Variants in TACC2 observed in about 807,000 individuals in gnomAD.
The protein encoded by TACC2 is transforming acidic coiled-coil-containing protein 2.
TACC2 carries 137 observed loss-of-function variants against 227.3 expected under a neutral mutation model. The observed-to-expected ratio is 0.60, with a 90% CI of 0.52 to 0.69. The LOEUF is 0.69. Ranked by LOEUF, TACC2 falls within the 30% of genes least tolerant of loss-of-function variation. TACC2 has a pLI of 0.00. For missense variants in TACC2, 3,470 were observed against 3,694.4 expected (o/e 0.94, Z 1.57); for synonymous variants, 1,523 against 1,487.5 (o/e 1.02, Z -0.55).
chr10:121,995,057 G>T (rs1953264090), intron 1 of TACC2, among the ~76,000 whole-genome samples: 1 of 152,178 alleles, frequency 6.6e-6, no homozygotes, highest in African/African-American at 2.4e-5. Context: ...TTGTGATTCT[G>T]CAGAATGATG....
At chr10:122,132,545 G>A (rs12416172) in intron 5 of TACC2, 64 bp from the exon 6 acceptor site, 87,553 of 1,601,482 alleles carry the variant, frequency 0.055, 3,943 homozygotes, top group African/African-American at 0.21. Context: ...GCGAAACTCC[G>A]TCTCAAAACA....
intron 6 of TACC2, among the ~76,000 whole-genome samples, chr10:122,137,304 T>A (rs1163493754): frequency 6.7e-6 from 1 of 149,216 alleles, no homozygotes; most frequent in Non-Finnish European, 1.5e-5. Context: ...AAAAGCAGAA[T>A]GAGCCTGGGT....
intron 16 of TACC2, among the ~76,000 whole-genome samples, chr10:122,235,442 C>G (rs533795848): frequency 7.2e-4 from 110 of 152,114 alleles, no homozygotes; most frequent in Middle Eastern, 3.4e-3. Context: ...CAATGTTACC[C>G]AGGCTGTTCT....
At chr10:122,237,764 A>C (rs530536068) in intron 17 of TACC2, among the ~76,000 whole-genome samples, 197 bp from the exon 18 acceptor site, 3 of 152,278 alleles carry the variant, frequency 2.0e-5, no homozygotes, top group African/African-American at 7.2e-5. Flanking sequence ...GTTGCTCCCC[A>C]GTGGGCACTG....
In TACC2 at chr10:122,063,653, C is replaced by T. The variant is rs2077076950; in HGVS notation, c.146+13103C>T. The stretch of plus-strand genomic sequence containing the variant: ...TGGAGAGGAAAAAATCACCAATGCT[C>T]CTACCATATGCAGACAATGGCTTTC... On this transcript the variant is annotated intron_variant, in intron 3 of 22. Coordinates refer to ENST00000369005, the MANE Select transcript of TACC2 (RefSeq NM_206862.4). Among the ~76,000 whole-genome samples the T allele has an allele frequency of 2.6e-5, 4 of 152,176 alleles. No individual in the cohort carries two copies. In the South Asian group the frequency reaches 8.3e-4, roughly 32 times the overall value.
chr10:122,203,046 C>A (rs2094930871), intron 8 of TACC2, among the ~76,000 whole-genome samples: 1 of 152,048 alleles, frequency 6.6e-6, no homozygotes, highest in Non-Finnish European at 1.5e-5. Context: ...TGAAAAGTCT[C>A]CCATGTCTAC....
chr10:122,235,429 T>C (rs1049333141), intron 16 of TACC2, among the ~76,000 whole-genome samples: 3 of 152,056 alleles, frequency 2.0e-5, no homozygotes, highest in African/African-American at 7.2e-5. Context: ...AGATGAGATC[T>C]CACAATGTTA....
intron 2 of TACC2, among the ~76,000 whole-genome samples, chr10:122,030,012 C>T (rs191941425): frequency 6.6e-6 from 1 of 152,098 alleles, no homozygotes; most frequent in East Asian, 1.9e-4. Flanking sequence ...AGATGGGGTG[C>T]CACTGGCATC....
At chr10:122,217,437 C>CTTTTTTTTTTTTTTTTTT (rs35233150) in intron 11 of TACC2, among the ~76,000 whole-genome samples, 15 of 93,250 alleles carry the variant, frequency 1.6e-4, no homozygotes, top group African/African-American at 2.6e-4. Flanking sequence ...TTTCTTTTTT[C>CTTTTTTTTTTTTTTTTTT]TTTTTTTTTT....
chr10:122,087,266 T>C lies in TACC2; in HGVS notation c.4766T>C (p.Val1589Ala). The change falls in exon 4 of 23, where the codon GTG becomes GCG. Residue 1589 changes from valine to alanine, a missense_variant. Physicochemically the swap from Val to Ala is moderately conservative, Grantham distance 64. Around this residue, in one of 10 missense-constraint regions of TACC2, gnomAD observed 1,924 missense variants for 1,978.3 expected, o/e 0.97. Coordinates refer to ENST00000369005, the MANE Select transcript of TACC2 (RefSeq NM_206862.4). ...CCCCATAGCCATGGAGAAGAGGCCG[T>C]GGCCCAAGACAGAATTCCTTCTGGA... ...VAPHSHGEEAVAQDRIPSGKQ... is the reference protein window; with the variant it reads ...VAPHSHGEEAAAQDRIPSGKQ... 1 of 1,613,790 alleles carries C rather than the reference T, an allele frequency of 6.2e-7. No homozygotes were observed.
At chr10:122,109,546 A>G (rs188252311) in intron 5 of TACC2, among the ~76,000 whole-genome samples, 6 of 152,286 alleles carry the variant, frequency 3.9e-5, no homozygotes, top group Admixed American at 3.3e-4. Flanking sequence ...ATGTCCCTTC[A>G]GCAATGCTAG....
intron 7 of TACC2, among the ~76,000 whole-genome samples, chr10:122,160,009 G>A (rs758627858): frequency 1.2e-4 from 18 of 152,186 alleles, no homozygotes; most frequent in African/African-American, 3.4e-4. Flanking sequence ...TGGGACTGAA[G>A]AGGCTGCACT....
rs564871331 is a variant in TACC2, at chr10:122,141,975, A to G, written c.5700-1597A>G. ...CTTAAGGAGCTTAAATGCCTCTGGT[A>G]GTTTGCATTATTCATTTTGAGTCAT... On this transcript the variant is annotated intron_variant, in intron 6 of 22. Transcript: ENST00000369005. This position sits in a 1 kb window ranked among gnomAD's most constrained non-coding sequence, Gnocchi z 4.3. 2.0e-5 allele frequency among the ~76,000 whole-genome samples: 3 copies of G among 152,338 alleles called. No homozygotes were observed. In the South Asian group the frequency reaches 6.2e-4, roughly 32 times the overall value.
In TACC2 at chr10:122,018,913, G is replaced by A. The variant is rs546758917; in HGVS notation, c.-45-3024G>A. ...GTCCTCTGAGCTTGGTAAGATGCCT[G>A]GTCTCCGGGAAGCCTTTGATGAAAT... On this transcript the variant is annotated intron_variant, in intron 1 of 22. Transcript: ENST00000369005. Among the ~76,000 whole-genome samples, 42 of 152,300 alleles carry A rather than the reference G, an allele frequency of 2.8e-4. No homozygotes were observed. In the South Asian group the frequency reaches 8.1e-3, roughly 29 times the overall value.
rs943377214 is a variant in TACC2, at chr10:122,207,941, C to G, written c.5972-2456C>G. Among the ~76,000 whole-genome samples, 5 of 152,244 alleles carry G rather than the reference C, an allele frequency of 3.3e-5. 1 individual carries two copies. The highest frequency in any genetic ancestry group is 3.3e-4 in the Admixed American group (5 of 15,292). On this transcript the variant is annotated intron_variant, in intron 8 of 22. Transcript: ENST00000369005. ...AAGGCCCATTTGAAAGCACCTGGTCCCCCTCAGCATCCCCTGGTCCTCTGT... is the reference window on the plus strand; with the variant it reads ...AAGGCCCATTTGAAAGCACCTGGTCGCCCTCAGCATCCCCTGGTCCTCTGT...
intron 7 of TACC2, among the ~76,000 whole-genome samples, chr10:122,181,815 T>A (rs2093978692): frequency 6.6e-6 from 1 of 152,248 alleles, no homozygotes; most frequent in African/African-American, 2.4e-5. Flanking sequence ...AAAAGCACAT[T>A]TTCAAGGCAT....
intron 3 of TACC2, among the ~76,000 whole-genome samples, chr10:122,071,009 C>A (rs1385071532): frequency 6.6e-6 from 1 of 151,990 alleles, no homozygotes; most frequent in Non-Finnish European, 1.5e-5. Context: ...AACATAAAAA[C>A]ACCACCAGAA....
At chr10:122,126,098 C>G (rs985747049) in intron 5 of TACC2, among the ~76,000 whole-genome samples, 2 of 84,568 alleles carry the variant, frequency 2.4e-5, no homozygotes, top group Non-Finnish European at 7.3e-5. Context: ...TCTTCACACT[C>G]CCCACCGCCT....
chr10:122,064,909 T>C (rs946581879), intron 3 of TACC2, among the ~76,000 whole-genome samples: 2 of 152,210 alleles, frequency 1.3e-5, no homozygotes, highest in Non-Finnish European at 2.9e-5. Context: ...ATTTTCATCA[T>C]ACCAGATTGT....
Sources: allele counts gnomAD v4.1 joint callset (sites outside exome capture counted in the v4.1 genomes callset), GRCh38; gene constraint gnomAD v4.1.1; regional missense constraint gnomAD v4.1.1; non-coding constraint Gnocchi (gnomAD v3.1); transcripts MANE v1.5; gene names NCBI Gene and HGNC (gene_info 2026-07-23, HGNC 2026-07-21).